ZSCAN32: variants seen among roughly 807,000 people sequenced by gnomAD.
ZSCAN32 encodes zinc finger and SCAN domain containing 32, also known as zinc finger and SCAN domain-containing protein 32.
A neutral mutation model predicts 47.4 loss-of-function variants in ZSCAN32; 52 were observed. The ratio of observed to expected loss-of-function variants is 1.10; its 90% CI spans 0.88 to 1.38. The LOEUF is 1.38. ZSCAN32 is among the 40% of genes most tolerant of loss of function. The pLI is 0.00. For missense variants in ZSCAN32, 959 were observed against 846.0 expected (o/e 1.13, Z -1.66); for synonymous variants, 346 against 305.7 (o/e 1.13, Z -1.38).
Position 3,384,508 on chromosome 16 carries a change from G to C in ZSCAN32, c.1185C>G (p.Gly395=). Residue 395 remains glycine, a synonymous_variant, in exon 6 of 7, where the codon GGC becomes GGG. Coordinates refer to ENST00000396852, the MANE Select transcript of ZSCAN32 (RefSeq NM_001284527.2). ...DRDEKDFRNP[G]QEVRKLDLPV... is the part of the protein sequence containing the mutation. The stretch of plus-strand genomic sequence containing the variant: ...GCAGGTCTAGTTTCCTGACTTCCTG[G>C]CCAGGATTCCTGAAGTCCTTTTCAT... 4 of 1,614,098 alleles carry C rather than the reference G, an allele frequency of 2.5e-6. No individual in the cohort carries two copies. The highest frequency in any genetic ancestry group is 3.4e-6 in the Non-Finnish European group (4 of 1,180,016).
At position 3,385,152 on chromosome 16, in the gene ZSCAN32, G is replaced by A. The variant is rs977431872; in HGVS notation, c.752-211C>T. Among the ~76,000 whole-genome samples, 8 of 152,076 alleles carry A rather than the reference G, an allele frequency of 5.3e-5. No individual in the cohort carries two copies. The South Asian group carries it at 6.2e-4, about 12-fold the overall frequency. Reference sequence around the variant, plus strand: ...ATCCTGGCCAACATGGTGAAACCCCGTCTCTACTAAAAATACAACAAAAAA... The same window carrying A: ...ATCCTGGCCAACATGGTGAAACCCCATCTCTACTAAAAATACAACAAAAAA... On this transcript the variant is annotated intron_variant, in intron 5 of 6. Coordinates refer to ENST00000396852, the MANE Select transcript of ZSCAN32 (RefSeq NM_001284527.2).
chr16:3,398,909 G>A (rs554645298), intron 1 of ZSCAN32, among the ~76,000 whole-genome samples: 1 of 152,266 alleles, frequency 6.6e-6, no homozygotes, highest in East Asian at 1.9e-4. Context: ...TCTAGTAGCA[G>A]CATCTTCTTC....
chr16:3,395,279 T>G (rs1242938468), intron 2 of ZSCAN32, among the ~76,000 whole-genome samples: 4 of 152,184 alleles, frequency 2.6e-5, no homozygotes, highest in Admixed American at 6.5e-5. Flanking sequence ...CTTCTTGCTC[T>G]CTCCTTCACT....
In ZSCAN32 at chr16:3,393,696, A is replaced by C. The variant is rs537181491; in HGVS notation, c.485T>G (p.Phe162Cys). 107 of 1,550,142 alleles carry C rather than the reference A, an allele frequency of 6.9e-5. No individual in the cohort carries two copies. The East Asian group carries it at 2.6e-3, about 38-fold the overall frequency. The part of the protein sequence containing the change: ...KQEVQPEEPT[F>C]KGSQSSHQRP... ...TTGGTGTGAGCTCTGTGATCCCTTA[A>C]AAGTCGGTTCCTCTGGCTGAACCTC... Residue 162 changes from phenylalanine to cysteine, a missense_variant, in exon 3 of 7, where the codon TTT becomes TGT. Phe to Cys is a radical substitution (Grantham distance 205). Coordinates refer to ENST00000396852, the MANE Select transcript of ZSCAN32 (RefSeq NM_001284527.2).
chr16:3,384,057 A>T (rs2031618534), intron 6 of ZSCAN32: 1 of 442,490 alleles, frequency 2.3e-6, no homozygotes. Flanking sequence ...GCAGAATAAC[A>T]AAAGGCAACC....
At position 3,397,715 on chromosome 16, in the gene ZSCAN32, G is replaced by A. The variant is rs149047998; in HGVS notation, c.-158C>T. On this transcript the variant is annotated 5_prime_UTR_variant, in exon 2 of 7. Transcript: ENST00000396852. Reference sequence around the variant, plus strand: ...TCAGACATGTGTAGAGACTCACAGCGGAAAAAAAGGGCTCAACTTTGAAGG... The same window carrying A: ...TCAGACATGTGTAGAGACTCACAGCAGAAAAAAAGGGCTCAACTTTGAAGG... 1.3e-4 allele frequency: 114 copies of A among 899,762 alleles called. No homozygotes were observed. The African/African-American group carries it at 1.5e-3, about 12-fold the overall frequency. The allele number at this position is 899,762 out of a possible 1,614,324, so 55.7% of individuals were successfully genotyped here. A position where few individuals can be genotyped will look rare whatever the true frequency, so the allele number is the denominator to read the frequency against.
At position 3,384,575 on chromosome 16, in the gene ZSCAN32, G is replaced by T; in HGVS notation, c.1118C>A (p.Pro373His). Reference protein sequence around the residue: ...AGELNHQNGEPTEVEDGTVDG... With the variant: ...AGELNHQNGEHTEVEDGTVDG... ...CACAGTGCCATCTTCTACCTCCGTG[G>T]GTTCCCCATTCTGGTGATTCAGCTC... The change falls in exon 6 of 7, where the codon CCC (proline) becomes CAC (histidine). Residue 373 changes from proline (P) to histidine (H), a missense_variant. Pro to His is a moderately conservative substitution (Grantham distance 77, BLOSUM62 -2). Coordinates refer to ENST00000396852, the MANE Select transcript of ZSCAN32 (RefSeq NM_001284527.2). 1.2e-6 allele frequency: 2 copies of T among 1,614,146 alleles called. No homozygotes were observed. The highest frequency in any genetic ancestry group is 1.1e-5 in the South Asian group (1 of 91,082).
chr16:3,397,750 G>A lies in ZSCAN32; in HGVS notation c.-187-6C>T. 1.6e-6 allele frequency: 1 copy of A among 637,690 alleles called. No individual in the cohort carries two copies. Among genetic ancestry groups the A allele is most frequent in the Non-Finnish European group, 2.6e-6 (1 of 387,738 alleles). The allele number at this position is 637,690 out of a possible 1,614,324, so 39.5% of individuals were successfully genotyped here. A position where few individuals can be genotyped will look rare whatever the true frequency, so the allele number is the denominator to read the frequency against. ...GGCTCAACTTTGAAGGATGTCTGAA[G>A]AGGATGGAAAAAGACAATATAAACC... is the stretch of plus-strand genomic sequence containing the variant. On this transcript the variant is annotated splice_polypyrimidine_tract_variant and splice_region_variant and intron_variant, in intron 1 of 6. Coordinates refer to ENST00000396852, the MANE Select transcript of ZSCAN32 (RefSeq NM_001284527.2).
chr16:3,385,348 C>G (rs890465729), intron 5 of ZSCAN32, among the ~76,000 whole-genome samples: 31 of 152,076 alleles, frequency 2.0e-4, no homozygotes, highest in South Asian at 6.2e-4. Context: ...AAATCAATAT[C>G]GTGAAAATGG....
At chr16:3,388,541 TTATC>T (rs2032282137) in intron 5 of ZSCAN32, among the ~76,000 whole-genome samples, 1 of 152,198 alleles carries the variant, frequency 6.6e-6, no homozygotes, top group African/African-American at 2.4e-5. Flanking sequence ...GCAGGAATCT[TTATC>T]TGTTTGTTCA....
chr16:3,385,099 C>G (rs2031796605), intron 5 of ZSCAN32, among the ~76,000 whole-genome samples, 158 bp from the exon 6 acceptor site: 1 of 152,122 alleles, frequency 6.6e-6, no homozygotes, highest in Non-Finnish European at 1.5e-5. Flanking sequence ...CCAAGGCGGG[C>G]AGATCATGAG....
At chr16:3,396,543 G>A (rs1323487324) in intron 2 of ZSCAN32, among the ~76,000 whole-genome samples, 1 of 152,038 alleles carries the variant, frequency 6.6e-6, no homozygotes, top group Admixed American at 6.6e-5. Flanking sequence ...ATTACTCTAG[G>A]CCTCTCCCAG....
Position 3,397,706 on chromosome 16 carries a change from ACT to A in ZSCAN32, c.-151_-150del. 9.3e-7 allele frequency: 1 copy of A among 1,071,562 alleles called. No individual in the cohort carries two copies. Among genetic ancestry groups the A allele is most frequent in the African/African-American group, 1.6e-5 (1 of 62,766 alleles). 66.4% of individuals were successfully genotyped at this position (1,071,562 alleles called of 1,614,324 possible). On this transcript the variant is annotated 5_prime_UTR_variant, in exon 2 of 7. Transcript: ENST00000396852. The stretch of plus-strand genomic sequence containing the variant: ...ATGAGAGTGTCAGACATGTGTAGAG[ACT>A]CACAGCGGAAAAAAAGGGCTCAACT...
At chr16:3,385,621 G>A (rs1455691041) in intron 5 of ZSCAN32, among the ~76,000 whole-genome samples, 2 of 152,120 alleles carry the variant, frequency 1.3e-5, no homozygotes, top group African/African-American at 4.8e-5. Context: ...ACAGCACAGA[G>A]CCCTCAGAAA....
rs34097514 is a variant in ZSCAN32, at chr16:3,384,724, G to A, written c.969C>T (p.Gly323=). 2,917 of 1,614,164 alleles carry A rather than the reference G, an allele frequency of 1.8e-3. 35 individuals carry two copies. In the African/African-American group the frequency reaches 0.034, roughly 19 times the overall value. The change falls in exon 6 of 7, where the codon GGC becomes GGT. Residue 323 remains glycine (G), a synonymous_variant. Transcript: ENST00000396852. ...LQLSYRKVRR[G]RVPEPCIFYE... is the part of the protein sequence containing the mutation. ...AAAAGATACAAGGCTCAGGCACACG[G>A]CCTCTCCTCACTTTGCGGTAACTCA...
chr16:3,400,591 G>A (rs1269880237), intron 1 of ZSCAN32, among the ~76,000 whole-genome samples: 1 of 152,222 alleles, frequency 6.6e-6, no homozygotes, highest in Non-Finnish European at 1.5e-5. Flanking sequence ...AGGTTGATAG[G>A]TTTTTCACTT....
At chr16:3,384,324 C>T (rs2150869470) in intron 6 of ZSCAN32, 135 bp downstream of exon 6, 2 of 1,355,336 alleles carry the variant, frequency 1.5e-6, no homozygotes, top group African/African-American at 2.9e-5. Flanking sequence ...CCATGAAAAC[C>T]AAAACTTGGA....
Position 3,383,714 on chromosome 16 carries a change from G to GAA in ZSCAN32, c.1235-5_1235-4dup, listed in dbSNP as rs369445206. ...AATCTCGTTCTTGAACTCAAAACCT[G>GAA]AAAAAAAAAAACCCCACAGAAATAC... On this transcript the variant is annotated splice_region_variant and splice_polypyrimidine_tract_variant and intron_variant, in intron 6 of 6. Coordinates refer to ENST00000396852, the MANE Select transcript of ZSCAN32 (RefSeq NM_001284527.2). 2.2e-3 allele frequency: 2,727 copies of GAA among 1,216,366 alleles called. 22 individuals carry two copies. The African/African-American group carries it at 0.038, about 17-fold the overall frequency. The allele number at this position is 1,216,366 out of a possible 1,614,324, so 75.3% of individuals were successfully genotyped here.
intron 2 of ZSCAN32, among the ~76,000 whole-genome samples, chr16:3,395,783 G>A (rs1053677653): frequency 6.6e-6 from 1 of 152,142 alleles, no homozygotes; most frequent in South Asian, 2.1e-4. Context: ...TGGACTGCCT[G>A]AGCTCAGAAG....
Sources: gnomAD v4.1 joint callset for allele counts (sites outside exome capture counted in the v4.1 genomes callset) on GRCh38, gnomAD v4.1.1 for gene constraint, MANE v1.5 for transcripts, NCBI Gene and HGNC (gene_info 2026-07-23, HGNC 2026-07-21) for gene names.